ELL: variants seen among roughly 807,000 people sequenced by gnomAD.
ELL encodes RNA polymerase II elongation factor ELL.
A neutral mutation model predicts 64.0 loss-of-function variants in ELL; 18 were observed. The ratio of observed to expected loss-of-function variants is 0.28; its 90% CI spans 0.19 to 0.42. The LOEUF is 0.42. ELL is among the 10% of genes least tolerant of loss of function. ELL has a pLI of 1.00. For missense variants in ELL, 797 were observed against 870.4 expected, an observed-to-expected ratio of 0.92 and a Z score of 1.06; for synonymous variants, 399 against 376.2, an observed-to-expected ratio of 1.06 and a Z score of -0.70.
Position 18,462,370 on chromosome 19 carries a change from CGGGGGGCG to C in ELL, c.470-526_470-519del, listed in dbSNP as rs1346462515. Among the ~76,000 whole-genome samples the C allele has an allele frequency of 5.2e-4, 12 of 23,056 alleles. 2 individuals are homozygous for C. Among genetic ancestry groups the C allele is most frequent in the East Asian group, 2.0e-3 (3 of 1,526 alleles). 15.1% of individuals were successfully genotyped at this position (23,056 alleles called of 152,430 possible). ...GTGTGTGTGTGTGTGTGTGTTTGGGCGGGGGGCGGGGGGGGAAGGATTGTTTTGTTTTT... is the reference window on the plus strand; with the variant it reads ...GTGTGTGTGTGTGTGTGTGTTTGGGCGGGGGGGAAGGATTGTTTTGTTTTT... On this transcript the variant is annotated intron_variant, in intron 4 of 11. Coordinates refer to ENST00000262809, the MANE Select transcript of ELL (RefSeq NM_006532.4).
At chr19:18,494,822 C>T (rs1975613800) in intron 1 of ELL, among the ~76,000 whole-genome samples, 1 of 152,202 alleles carries the variant, frequency 6.6e-6, no homozygotes, top group Admixed American at 6.5e-5. Flanking sequence ...GCCTTCAGAG[C>T]TTGGGAGGCC....
chr19:18,488,123 G>A (rs377054963), intron 1 of ELL, among the ~76,000 whole-genome samples: 10 of 152,362 alleles, frequency 6.6e-5, no homozygotes, highest in African/African-American at 2.4e-4. Context: ...CACCCGGCAG[G>A]TGAGCAGGGA....
chr19:18,485,303 G>A (rs1428994812), intron 1 of ELL, among the ~76,000 whole-genome samples: 1 of 152,138 alleles, frequency 6.6e-6, no homozygotes, highest in African/African-American at 2.4e-5. Flanking sequence ...GTGTGCCTTC[G>A]ACCTGTCAGT....
chr19:18,444,649 G>T lies in ELL; in HGVS notation c.*103C>A. The T allele has an allele frequency of 7.7e-7, 1 of 1,295,908 alleles. No homozygotes were observed. Among genetic ancestry groups the T allele is most frequent in the Non-Finnish European group, 1.1e-6 (1 of 946,152 alleles). The allele number at this position is 1,295,908 out of a possible 1,614,324, so 80.3% of individuals were successfully genotyped here. ...GCTGCCCTGAAAGCCGGCGGTGCTG[G>T]CTCAGATGAGCATCTTCCTCGGGTT... On this transcript the variant is annotated 3_prime_UTR_variant, in exon 12 of 12. Coordinates refer to ENST00000262809, the MANE Select transcript of ELL (RefSeq NM_006532.4).
intron 1 of ELL, among the ~76,000 whole-genome samples, chr19:18,497,029 T>C (rs894061185): frequency 6.6e-6 from 1 of 152,206 alleles, no homozygotes; most frequent in Non-Finnish European, 1.5e-5. Flanking sequence ...AATGCAATAA[T>C]TGCACGCCTT....
chr19:18,457,716 T>C (rs1020831684), intron 6 of ELL, among the ~76,000 whole-genome samples: 1 of 152,212 alleles, frequency 6.6e-6, no homozygotes. Context: ...CTTCTGACCC[T>C]GGGTCCCAAT....
chr19:18,480,704 G>T (rs1368599406), intron 1 of ELL, among the ~76,000 whole-genome samples: 1 of 152,102 alleles, frequency 6.6e-6, no homozygotes, highest in Non-Finnish European at 1.5e-5. Context: ...GTGTGAACAC[G>T]GCTCACTGCA....
intron 1 of ELL, among the ~76,000 whole-genome samples, chr19:18,518,818 A>T (rs1300380219): frequency 6.6e-6 from 1 of 151,718 alleles, no homozygotes; most frequent in South Asian, 2.1e-4. Context: ...GAAAAACTGC[A>T]CAAAGTCCAA....
chr19:18,453,623 T>G (rs936332617), intron 6 of ELL, among the ~76,000 whole-genome samples: 1 of 152,170 alleles, frequency 6.6e-6, no homozygotes, highest in African/African-American at 2.4e-5. Context: ...CTAATCCCAG[T>G]CACAGCTCAC....
chr19:18,465,587 G>A lies in ELL; in HGVS notation c.306-12C>T. 1 of 1,576,338 alleles carries A rather than the reference G, an allele frequency of 6.3e-7. No homozygotes were observed. ...GAACTTCCCCATGACTGCAAGACAAGGCCAGGAGCTGGGGTCAGCAGCTGG... is the reference window on the plus strand; with the variant it reads ...GAACTTCCCCATGACTGCAAGACAAAGCCAGGAGCTGGGGTCAGCAGCTGG... On this transcript the variant is annotated splice_polypyrimidine_tract_variant and intron_variant, in intron 3 of 11. Transcript: ENST00000262809.
chr19:18,484,881 C>T lies in ELL; in HGVS notation c.136-11999G>A, dbSNP rs57930417. Among the ~76,000 whole-genome samples, 1,225 of 152,290 alleles carry T rather than the reference C, an allele frequency of 8.0e-3. 16 individuals are homozygous for T. The highest frequency in any genetic ancestry group is 0.028 in the African/African-American group (1,145 of 41,548). ...AAACCTGCCTTCTGCCCATGGTCTG[C>T]GGTGCCAGATAACAACTGCTTTCCC... is the stretch of plus-strand genomic sequence containing the variant. On this transcript the variant is annotated intron_variant, in intron 1 of 11. Transcript: ENST00000262809.
chr19:18,485,922 G>A (rs1259724940), intron 1 of ELL, among the ~76,000 whole-genome samples: 1 of 151,778 alleles, frequency 6.6e-6, no homozygotes, highest in East Asian at 1.9e-4. Flanking sequence ...GGAGGCAGAG[G>A]TGGCAGTGAG....
intron 5 of ELL, among the ~76,000 whole-genome samples, chr19:18,458,757 C>G (rs1974738301): frequency 6.6e-6 from 1 of 152,192 alleles, no homozygotes; most frequent in East Asian, 1.9e-4. Context: ...GTCAGCCTCC[C>G]AGGTAGGTGG....
At chr19:18,446,211 C>G in intron 10 of ELL, 98 bp downstream of exon 10, 1 of 1,404,854 alleles carries the variant, frequency 7.1e-7, no homozygotes, top group Non-Finnish European at 9.3e-7. Context: ...AAGGGCCAGA[C>G]TCTGGGGCCA....
chr19:18,495,100 C>G (rs1975619170), intron 1 of ELL, among the ~76,000 whole-genome samples: 1 of 152,196 alleles, frequency 6.6e-6, no homozygotes, highest in Non-Finnish European at 1.5e-5. Context: ...CCCCTGGGCA[C>G]AAATGTTGGA....
intron 1 of ELL, among the ~76,000 whole-genome samples, chr19:18,505,726 C>T (rs1432660131): frequency 2.0e-5 from 3 of 152,058 alleles, no homozygotes; most frequent in Admixed American, 6.5e-5. Flanking sequence ...CCACGGGATG[C>T]GGCTTGTGTT....
Position 18,518,018 on chromosome 19 carries a change from C to T in ELL, c.135+3903G>A, listed in dbSNP as rs1018832694. Among the ~76,000 whole-genome samples the T allele has an allele frequency of 4.4e-4, 65 of 148,532 alleles. 1 individual carries two copies. Among genetic ancestry groups the T allele is most frequent in the African/African-American group, 1.5e-3 (59 of 40,140 alleles). On this transcript the variant is annotated intron_variant, in intron 1 of 11. Coordinates refer to ENST00000262809, the MANE Select transcript of ELL (RefSeq NM_006532.4). ...GGAGGATCACCTGAGGTCAGGAGTT[C>T]GAGACCAGCCTGACCAACATGGTAA...
intron 1 of ELL, among the ~76,000 whole-genome samples, chr19:18,500,356 A>C (rs755564392): frequency 1.1e-4 from 17 of 151,930 alleles, no homozygotes; most frequent in Non-Finnish European, 1.9e-4. Flanking sequence ...CTTCCTGTGC[A>C]TATCGTGGGT....
At chr19:18,487,492 C>T (rs1233804505) in intron 1 of ELL, among the ~76,000 whole-genome samples, 1 of 152,242 alleles carries the variant, frequency 6.6e-6, no homozygotes, top group Non-Finnish European at 1.5e-5. Flanking sequence ...CTCCACCTTG[C>T]TGGGTCTGAC....
Sources: gnomAD v4.1 joint callset for allele counts (sites outside exome capture counted in the v4.1 genomes callset) on GRCh38, gnomAD v4.1.1 for gene constraint, MANE v1.5 for transcripts, NCBI Gene and HGNC (gene_info 2026-07-23, HGNC 2026-07-21) for gene names.